The following PTPRC variants were observed in gnomAD, a reference collection of about 807,000 sequenced individuals.
PTPRC encodes receptor-type tyrosine-protein phosphatase C.
In PTPRC, 44 loss-of-function variants were observed where a neutral mutation model predicts 155.9. That is an observed-to-expected ratio of 0.28 (90% CI 0.22 to 0.36). The LOEUF (loss-of-function observed/expected upper bound fraction) is 0.36. PTPRC is among the 10% of genes least tolerant of loss of function. PTPRC has a pLI of 1.00. For missense variants in PTPRC, 1,401 were observed against 1,564.6 expected (o/e 0.90, Z 1.76); for synonymous variants, 525 against 533.1 (o/e 0.98, Z 0.21).
At chr1:198,656,639 G>GTTTT (rs201088832) in intron 2 of PTPRC, among the ~76,000 whole-genome samples, 3 of 85,174 alleles carry the variant, frequency 3.5e-5, no homozygotes, top group East Asian at 4.1e-4. Context: ...AGGGCTACTA[G>GTTTT]TTTTTTGTTT....
At position 198,699,596 on chromosome 1, in the gene PTPRC, A is replaced by T. The variant is rs1666364149; in HGVS notation, c.331A>T (p.Thr111Ser). The change falls in exon 5 of 33, where the codon ACG (threonine) becomes TCG (serine). Residue 111 changes from threonine (T) to serine (S), a missense_variant. By Grantham distance (58) the Thr-to-Ser change is moderately conservative. Coordinates refer to ENST00000442510, the MANE Select transcript of PTPRC (RefSeq NM_002838.5). ...ATCAGTACAGACGCCTCACCTTCCC[A>T]CGCACGCAGACTCGCAGACGCCCTC... Reference protein sequence around the residue: ...VSSVQTPHLPTHADSQTPSAG... With the variant: ...VSSVQTPHLPSHADSQTPSAG... 1 of 1,614,204 alleles carries T rather than the reference A, an allele frequency of 6.2e-7. No individual in the cohort carries two copies. The highest frequency in any genetic ancestry group is 1.3e-5 in the African/African-American group (1 of 75,042).
At position 198,748,089 on chromosome 1, in the gene PTPRC, G is replaced by GTTTT. The variant is rs57296163; in HGVS notation, c.2848-7_2848-4dup. 3.7e-4 allele frequency: 539 copies of GTTTT among 1,472,824 alleles called. No individual in the cohort carries two copies. Among genetic ancestry groups the GTTTT allele is most frequent in the South Asian group, 8.8e-4 (69 of 78,256 alleles). The allele number at this position is 1,472,824 out of a possible 1,614,324, so 91.2% of individuals were successfully genotyped here. A position where few individuals can be genotyped will look rare whatever the true frequency, so the allele number is the denominator to read the frequency against. ...ATTTACATTTTAAAGGAGTTTTTCT[G>GTTTT]TTTTTTTTTTTTTTTTCAGAGACTT... is the stretch of plus-strand genomic sequence containing the variant. On this transcript the variant is annotated intron_variant, in intron 26 of 32. Coordinates refer to ENST00000442510, the MANE Select transcript of PTPRC (RefSeq NM_002838.5).
chr1:198,695,854 T>A (rs2102381424), intron 3 of PTPRC, among the ~76,000 whole-genome samples: 1 of 152,312 alleles, frequency 6.6e-6, no homozygotes, highest in African/African-American at 2.4e-5. Context: ...TTGCTTTTAA[T>A]TTATTTTTTA....
chr1:198,670,246 G>A (rs1243026809), intron 2 of PTPRC, among the ~76,000 whole-genome samples: 2 of 152,072 alleles, frequency 1.3e-5, no homozygotes, highest in African/African-American at 4.8e-5. Flanking sequence ...CATTTTTAAA[G>A]AAAGTCCTGG....
chr1:198,643,262 A>C (rs527792595), intron 2 of PTPRC, among the ~76,000 whole-genome samples: 9 of 151,998 alleles, frequency 5.9e-5, no homozygotes, highest in African/African-American at 2.2e-4. Flanking sequence ...CCTACATGAA[A>C]TCAGGTATAG....
chr1:198,749,627 C>A, intron 28 of PTPRC, 78 bp downstream of exon 28: 2 of 1,401,664 alleles, frequency 1.4e-6, no homozygotes, highest in Non-Finnish European at 2.0e-6. Context: ...ATTCATTAAG[C>A]GATTTTATAA....
chr1:198,669,135 C>T (rs1206811540), intron 2 of PTPRC, among the ~76,000 whole-genome samples: 4 of 152,146 alleles, frequency 2.6e-5, no homozygotes, highest in Non-Finnish European at 4.4e-5. Context: ...GCAGATTGGG[C>T]AAAAATTACA....
chr1:198,706,967 A>C lies in PTPRC; in HGVS notation c.904+15A>C. 6.4e-7 allele frequency: 1 copy of C among 1,557,448 alleles called. No individual in the cohort carries two copies. Among genetic ancestry groups the C allele is most frequent in the Non-Finnish European group, 8.9e-7 (1 of 1,129,472 alleles). On this transcript the variant is annotated intron_variant, in intron 9 of 32. Coordinates refer to ENST00000442510, the MANE Select transcript of PTPRC (RefSeq NM_002838.5). ...TGTGCCACCAGGTAAATATCAATTT[A>C]TTTCTTTTAATAAATTTATAAAAAC...
At position 198,702,240 on chromosome 1, in the gene PTPRC, T is replaced by A. The variant is rs773762946; in HGVS notation, c.440-147T>A. 23 of 1,018,676 alleles carry A rather than the reference T, an allele frequency of 2.3e-5. No individual in the cohort carries two copies. The Admixed American group carries it at 2.7e-4, about 12-fold the overall frequency. 63.1% of individuals were successfully genotyped at this position (1,018,676 alleles called of 1,614,324 possible). A position where few individuals can be genotyped will look rare whatever the true frequency, so the allele number is the denominator to read the frequency against. The stretch of plus-strand genomic sequence containing the variant: ...CCCTGGTATTTTTGGTACAGTTCTG[T>A]AGAATGCATGTGTCGTGGTATAGCA... On this transcript the variant is annotated intron_variant, in intron 5 of 32. Transcript: ENST00000442510.
chr1:198,710,377 A>C (rs967848144), intron 11 of PTPRC, among the ~76,000 whole-genome samples: 1 of 152,174 alleles, frequency 6.6e-6, no homozygotes, highest in South Asian at 2.1e-4. Flanking sequence ...AGTTCCCCCA[A>C]ATTGTTACTT....
chr1:198,731,538 A>G, intron 17 of PTPRC, 79 bp from the exon 18 acceptor site: 16 of 1,022,300 alleles, frequency 1.6e-5, no homozygotes, highest in Non-Finnish European at 2.5e-5. Flanking sequence ...GATTGAGTAC[A>G]CGGTGTAAAT....
intron 2 of PTPRC, among the ~76,000 whole-genome samples, chr1:198,687,745 A>T (rs912381859): frequency 3.9e-5 from 6 of 152,168 alleles, no homozygotes; most frequent in Non-Finnish European, 8.8e-5. Flanking sequence ...AAATAGATTT[A>T]TGTAATCTAG....
At chr1:198,665,873 C>A (rs1442257759) in intron 2 of PTPRC, among the ~76,000 whole-genome samples, 1 of 152,066 alleles carries the variant, frequency 6.6e-6, no homozygotes, top group African/African-American at 2.4e-5. Context: ...CTCTTTCCAG[C>A]CCTGGAAAGA....
At chr1:198,719,236 G>A (rs773537944) in intron 14 of PTPRC, among the ~76,000 whole-genome samples, 5 of 152,020 alleles carry the variant, frequency 3.3e-5, no homozygotes, top group East Asian at 3.9e-4. Context: ...CACTGAATAC[G>A]CCTTTCTTTT....
chr1:198,733,059 A>T (rs1375870572), intron 20 of PTPRC, among the ~76,000 whole-genome samples: 1 of 151,834 alleles, frequency 6.6e-6, no homozygotes, highest in Non-Finnish European at 1.5e-5. Flanking sequence ...TCATCTATCC[A>T]TTGGATTTAT....
chr1:198,752,485 C>T, intron 30 of PTPRC, 109 bp from the exon 31 acceptor site: 2 of 1,522,414 alleles, frequency 1.3e-6, no homozygotes, highest in South Asian at 1.2e-5. Flanking sequence ...TTCAGAATAA[C>T]ATTTTAAAAT....
chr1:198,734,254 T>G, intron 21 of PTPRC, 22 bp downstream of exon 21: 1 of 1,610,550 alleles, frequency 6.2e-7, no homozygotes, highest in Non-Finnish European at 8.5e-7. Context: ...GATAATCCAA[T>G]ATTCTTTTTG....
At chr1:198,658,092 G>C (rs1373467564) in intron 2 of PTPRC, among the ~76,000 whole-genome samples, 1 of 152,076 alleles carries the variant, frequency 6.6e-6, no homozygotes, top group Non-Finnish European at 1.5e-5. Flanking sequence ...TGTCTCATTG[G>C]AATACCCTTC....
At position 198,716,573 on chromosome 1, in the gene PTPRC, A is replaced by G. The variant is rs369417353; in HGVS notation, c.1292-109A>G. The G allele has an allele frequency of 1.0e-4, 93 of 933,220 alleles. No individual in the cohort carries two copies. In the African/African-American group the frequency reaches 1.3e-3, roughly 13 times the overall value. The allele number at this position is 933,220 out of a possible 1,614,324, so 57.8% of individuals were successfully genotyped here. ...GATGTACTTATTTTTCAATCACTCA[A>G]TAGTTTGGAGTTCACTTGGAACAAT... is the stretch of plus-strand genomic sequence containing the variant. On this transcript the variant is annotated intron_variant, in intron 12 of 32. Transcript: ENST00000442510.
Sources: gnomAD v4.1 joint callset for allele counts (sites outside exome capture counted in the v4.1 genomes callset) on GRCh38, gnomAD v4.1.1 for gene constraint, MANE v1.5 for transcripts, NCBI Gene and HGNC (gene_info 2026-07-23, HGNC 2026-07-21) for gene names.